The following DLGAP4 variants were observed in gnomAD, a reference collection of about 807,000 sequenced individuals.
DLGAP4 encodes disks large-associated protein 4.
In DLGAP4, 18 loss-of-function variants were observed where a neutral mutation model predicts 86.9. The ratio of observed to expected loss-of-function variants is 0.21; its 90% CI spans 0.14 to 0.31. The LOEUF (loss-of-function observed/expected upper bound fraction) is 0.31. Ranked by LOEUF, DLGAP4 falls within the 10% of genes least tolerant of loss-of-function variation. The pLI, the probability that DLGAP4 is intolerant of heterozygous loss-of-function variation, is 1.00. For missense variants in DLGAP4, 1,085 were observed against 1,362.6 expected (o/e 0.80, Z 3.21); for synonymous variants, 548 against 574.3 (o/e 0.95, Z 0.65).
At chr20:36,366,294 G>A (rs796973550) in intron 1 of DLGAP4, among the ~76,000 whole-genome samples, 10 of 152,068 alleles carry the variant, frequency 6.6e-5, no homozygotes, top group African/African-American at 2.4e-4. Flanking sequence ...CTCCTGACCT[G>A]AAGTGATCCA....
intron 5 of DLGAP4, 113 bp from the exon 6 acceptor site, chr20:36,442,614 C>G (rs567690222): frequency 1.0e-5 from 12 of 1,177,614 alleles, no homozygotes; most frequent in African/African-American, 6.0e-5. Context: ...CCCAGCCAGT[C>G]TGGGGAGGAG....
intron 1 of DLGAP4, among the ~76,000 whole-genome samples, chr20:36,323,175 CAAAAAAAAAAA>C (rs1164348704): frequency 0.011 from 377 of 35,404 alleles, 5 homozygotes; most frequent in African/African-American, 0.024. Context: ...GACCCTATCT[CAAAAAAAAAAA>C]AAAAAAAAAA....
chr20:36,414,717 C>T (rs1243004752), intron 2 of DLGAP4, among the ~76,000 whole-genome samples: 1 of 152,224 alleles, frequency 6.6e-6, no homozygotes, highest in Non-Finnish European at 1.5e-5. Context: ...ATGGGGGCTC[C>T]AGGGGGCAGA....
chr20:36,399,822 C>G (rs1244814250), intron 2 of DLGAP4, among the ~76,000 whole-genome samples: 1 of 152,128 alleles, frequency 6.6e-6, no homozygotes, highest in African/African-American at 2.4e-5. Flanking sequence ...GGAAATACAG[C>G]TGGTGGTGAG....
intron 1 of DLGAP4, among the ~76,000 whole-genome samples, chr20:36,347,043 C>T (rs1488056031): frequency 1.3e-5 from 2 of 152,210 alleles, no homozygotes; most frequent in East Asian, 3.9e-4. Context: ...TTTCCTCCTT[C>T]CTGAAGCTTT....
intron 1 of DLGAP4, among the ~76,000 whole-genome samples, chr20:36,344,107 C>T (rs1470618991): frequency 1.3e-5 from 2 of 152,086 alleles, no homozygotes; most frequent in Non-Finnish European, 2.9e-5. Context: ...AAATCAGGTC[C>T]CTCTCTGGTC....
chr20:36,331,521 C>T (rs1231939553), intron 1 of DLGAP4, among the ~76,000 whole-genome samples: 1 of 152,246 alleles, frequency 6.6e-6, no homozygotes, highest in Non-Finnish European at 1.5e-5. Flanking sequence ...CCCCTGCCGA[C>T]CCAGCCTCAG....
intron 2 of DLGAP4, among the ~76,000 whole-genome samples, chr20:36,377,954 G>A (rs893594658): frequency 6.6e-6 from 1 of 152,166 alleles, no homozygotes; most frequent in Non-Finnish European, 1.5e-5. Flanking sequence ...AACGACTTCC[G>A]TCCACCCTGC....
chr20:36,436,330 A>C lies in DLGAP4; in HGVS notation c.1221A>C (p.Gly407=), dbSNP rs770680133. 3 of 1,598,950 alleles carry C rather than the reference A, an allele frequency of 1.9e-6. No individual in the cohort carries two copies. In the East Asian group the frequency reaches 6.7e-5, roughly 36 times the overall value. ...SYLRATQQSL[G]EQSNPRRSLD... ...TGAGGGCCACGCAGCAGTCGCTGGG[A>C]GAGCAGAGCAACCCCCGCAGGTAGG... The change falls in exon 4 of 13, where the codon GGA becomes GGC. Residue 407 remains glycine (G), a synonymous_variant. Transcript: ENST00000339266.
chr20:36,353,254 C>T (rs2030218382), intron 1 of DLGAP4, among the ~76,000 whole-genome samples: 1 of 152,164 alleles, frequency 6.6e-6, no homozygotes, highest in Non-Finnish European at 1.5e-5. Context: ...AGCCATGGCT[C>T]AGAGAGAGGA....
chr20:36,411,798 A>G (rs1257354124), intron 2 of DLGAP4, among the ~76,000 whole-genome samples: 2 of 152,116 alleles, frequency 1.3e-5, no homozygotes, highest in Admixed American at 6.5e-5. Context: ...GCTGTCCCCC[A>G]GCACTCCCTG....
At chr20:36,367,674 C>T (rs1005371367) in intron 2 of DLGAP4, among the ~76,000 whole-genome samples, 1 of 152,166 alleles carries the variant, frequency 6.6e-6, no homozygotes, top group Non-Finnish European at 1.5e-5. Context: ...TCTGGGGCCC[C>T]CAGGGCGGCT....
intron 1 of DLGAP4, among the ~76,000 whole-genome samples, chr20:36,355,192 T>G (rs1437441352): frequency 1.3e-5 from 2 of 152,356 alleles, no homozygotes; most frequent in East Asian, 3.9e-4. Context: ...GTTTTACCTT[T>G]TCTAAAAAGG....
At position 36,431,737 on chromosome 20, in the gene DLGAP4, G is replaced by A. The variant is rs1600520360; in HGVS notation, c.20G>A (p.Ser7Asn). MKGLGDSRPRHLSDSLD... is the reference protein window; with the variant it reads MKGLGDNRPRHLSDSLD... ...GGGATCATGAAAGGCCTCGGTGACAGCCGCCCCCGCCACCTCTCCGACAGC... is the reference window on the plus strand; with the variant it reads ...GGGATCATGAAAGGCCTCGGTGACAACCGCCCCCGCCACCTCTCCGACAGC... The change falls in exon 3 of 13, where the codon AGC becomes AAC. Residue 7 changes from serine (S) to asparagine (N), a missense_variant. Physicochemically the swap from Ser to Asn is conservative, Grantham distance 46 (BLOSUM62 1). Coordinates refer to ENST00000339266, the MANE Select transcript of DLGAP4 (RefSeq NM_001365621.2). This position sits in a 1 kb window ranked among gnomAD's most constrained non-coding sequence, Gnocchi z 5.1. The A allele has an allele frequency of 6.3e-7, 1 of 1,599,758 alleles. No homozygotes were observed.
intron 1 of DLGAP4, among the ~76,000 whole-genome samples, chr20:36,320,192 C>G (rs1220200576): frequency 2.2e-5 from 3 of 137,196 alleles, no homozygotes; most frequent in East Asian, 2.3e-4. Flanking sequence ...GTGCCCCTCT[C>G]CCCCGGGCCT....
chr20:36,415,963 A>AG (rs2032641516), intron 2 of DLGAP4, among the ~76,000 whole-genome samples: 1 of 152,146 alleles, frequency 6.6e-6, no homozygotes, highest in African/African-American at 2.4e-5. Flanking sequence ...CAGGGGTTGA[A>AG]GGGGTCTTGG....
chr20:36,379,321 G>A (rs1000761535), intron 2 of DLGAP4, among the ~76,000 whole-genome samples: 2 of 152,186 alleles, frequency 1.3e-5, no homozygotes, highest in Non-Finnish European at 2.9e-5. Flanking sequence ...TGGTGGGTGC[G>A]GGATCCTGTC....
intron 3 of DLGAP4, among the ~76,000 whole-genome samples, chr20:36,433,442 G>A (rs905596103): frequency 1.3e-5 from 2 of 152,198 alleles, no homozygotes; most frequent in Non-Finnish European, 2.9e-5. Flanking sequence ...AGACATCACC[G>A]TGGCTGCACA....
At position 36,363,477 on chromosome 20, in the gene DLGAP4, C is replaced by T. The variant is rs190055291; in HGVS notation, c.-303-3568C>T. 1.7e-3 allele frequency among the ~76,000 whole-genome samples: 266 copies of T among 152,088 alleles called. 3 individuals carry two copies. The highest frequency in any genetic ancestry group is 2.1e-4 in the Non-Finnish European group (14 of 68,000). ...GAGGTGACAGTGGCTCGGTCCACAG[C>T]GGTGGCAGCAGGGTGGGGAAAGGAG... On this transcript the variant is annotated intron_variant, in intron 1 of 12. Coordinates refer to ENST00000339266, the MANE Select transcript of DLGAP4 (RefSeq NM_001365621.2).
Sources: gnomAD v4.1 joint callset for allele counts (sites outside exome capture counted in the v4.1 genomes callset) on GRCh38, gnomAD v4.1.1 for gene constraint, Gnocchi (gnomAD v3.1) non-coding constraint, MANE v1.5 for transcripts, NCBI Gene and HGNC (gene_info 2026-07-23, HGNC 2026-07-21) for gene names.